LCORL: variants seen among roughly 807,000 people sequenced by gnomAD.
LCORL encodes ligand dependent nuclear receptor corepressor like, also known as ligand-dependent nuclear receptor corepressor-like protein.
LCORL carries 41 observed loss-of-function variants against 141.8 expected under a neutral mutation model. The ratio of observed to expected loss-of-function variants is 0.29; its 90% CI spans 0.23 to 0.38. The LOEUF (loss-of-function observed/expected upper bound fraction) is 0.38. LCORL is among the 10% of genes least tolerant of loss of function. The pLI is 1.00. For synonymous variants in LCORL, 618 were observed against 694.1 expected (o/e 0.89, Z 1.72); for missense variants, 1,759 against 2,035.0 (o/e 0.86, Z 2.61).
chr4:18,021,704 G>GGCAGCAGCGGCGGCGGCA lies in LCORL; in HGVS notation c.30_47dup (p.Ala17_Ala22dup). 2 of 1,525,134 alleles carry GGCAGCAGCGGCGGCGGCA rather than the reference G, an allele frequency of 1.3e-6. No homozygotes were observed. The highest frequency in any genetic ancestry group is 1.8e-6 in the Non-Finnish European group (2 of 1,136,998). The allele number at this position is 1,525,134 out of a possible 1,614,324, so 94.5% of individuals were successfully genotyped here. ...GGCACTGAGCGGCGGCGGCGGCGGC[G>GGCAGCAGCGGCGGCGGCA]GCAGCAGCGGCGGCGGCAGCGGCCA... On this transcript the variant is annotated inframe_insertion, in exon 1 of 8. Coordinates refer to ENST00000635767, the Ensembl canonical transcript of LCORL. This position sits in a 1 kb window ranked among gnomAD's most constrained non-coding sequence, Gnocchi z 5.5.
intron 1 of LCORL, among the ~76,000 whole-genome samples, chr4:17,998,334 A>G (rs1020338180): frequency 1.3e-5 from 2 of 151,974 alleles, no homozygotes; most frequent in African/African-American, 4.8e-5. Context: ...ACTTACTATA[A>G]TTTTTTTACA....
rs374543001 is a variant in LCORL at position 18,002,878 on chromosome 4, T to C, written c.154+18720A>G. Among the ~76,000 whole-genome samples the C allele has an allele frequency of 1.6e-3, 251 of 152,320 alleles. 1 individual carries two copies. The highest frequency in any genetic ancestry group is 2.4e-3 in the Non-Finnish European group (166 of 68,022). On this transcript the variant is annotated intron_variant, in intron 1 of 7. Coordinates refer to ENST00000635767, the Ensembl canonical transcript of LCORL. ...GTAATCAGAGTTTGCATGGGGTTGG[T>C]ATAAAACAGAACTGCACCAGTGAAT...
chr4:17,924,192 T>A (rs1734754838), intron 4 of LCORL, among the ~76,000 whole-genome samples: 1 of 152,166 alleles, frequency 6.6e-6, no homozygotes, highest in South Asian at 2.1e-4. Flanking sequence ...AATATTTATA[T>A]CTCATCTGAG....
Position 17,843,551 on chromosome 4 carries a change from C to G in LCORL, c.*2337G>C. On this transcript the variant is annotated 3_prime_UTR_variant, in exon 8 of 8. Transcript: ENST00000635767. The stretch of plus-strand genomic sequence containing the variant: ...TCTGAAGATTTTCTGCTGTGCGCTT[C>G]CACGTTACTTTGGCCTGTATTAAAG... 4.7e-6 allele frequency: 5 copies of G among 1,070,418 alleles called. No individual in the cohort carries two copies. The South Asian group carries it at 7.8e-5, about 17-fold the overall frequency. 66.3% of individuals were successfully genotyped at this position (1,070,418 alleles called of 1,614,324 possible).
chr4:17,960,213 T>C (rs924779221), intron 4 of LCORL: 2 of 154,286 alleles, frequency 1.3e-5, no homozygotes, highest in Non-Finnish European at 2.9e-5. Context: ...TTTCAAAAGA[T>C]GTTGAAGAAA....
In LCORL at chr4:17,884,721, CCA is replaced by C; in HGVS notation, c.776+1345_776+1346del. 1 of 1,492,510 alleles carries C rather than the reference CCA, an allele frequency of 6.7e-7. No individual in the cohort carries two copies. Among genetic ancestry groups the C allele is most frequent in the Non-Finnish European group, 8.9e-7 (1 of 1,123,336 alleles). 92.5% of individuals were successfully genotyped at this position (1,492,510 alleles called of 1,614,324 possible). A position where few individuals can be genotyped will look rare whatever the true frequency, so the allele number is the denominator to read the frequency against. ...CCATCTGCAAACTCAGCACTTCTTT[CCA>C]CATAGTCCTCTCTGTTTCTGTGTAG... On this transcript the variant is annotated intron_variant, in intron 6 of 7. Coordinates refer to ENST00000635767, the Ensembl canonical transcript of LCORL. The surrounding 1 kb of genome is among the most constrained non-coding windows in gnomAD (Gnocchi z 4.4).
chr4:17,925,540 G>T (rs956755669), intron 4 of LCORL, among the ~76,000 whole-genome samples: 6 of 152,082 alleles, frequency 3.9e-5, no homozygotes, highest in Non-Finnish European at 2.9e-5. Flanking sequence ...TTGCAGAAAT[G>T]AGGACTTTGT....
chr4:17,880,967 C>T, intron 6 of LCORL: 1 of 983,014 alleles, frequency 1.0e-6, no homozygotes, highest in East Asian at 1.1e-4. Context: ...TACTAAATTA[C>T]TGCGACATTG....
Position 18,009,638 on chromosome 4 carries a change from C to G in LCORL, c.154+11960G>C, listed in dbSNP as rs187238739. Among the ~76,000 whole-genome samples the G allele has an allele frequency of 3.2e-4, 48 of 152,216 alleles. 1 individual carries two copies. The East Asian group carries it at 8.5e-3, about 27-fold the overall frequency. ...TCCTACATGGGTCACTCCCTACCCC[C>G]TGGTATCTACTGGGGCCCTGAGAGC... On this transcript the variant is annotated intron_variant, in intron 1 of 7. Transcript: ENST00000635767.
At chr4:18,012,823 C>T (rs1441746160) in intron 1 of LCORL, among the ~76,000 whole-genome samples, 1 of 152,170 alleles carries the variant, frequency 6.6e-6, no homozygotes, top group East Asian at 1.9e-4. Flanking sequence ...ATGGTTATCA[C>T]TGATACAGAA....
chr4:17,863,761 T>A (rs1376510323), intron 7 of LCORL, among the ~76,000 whole-genome samples: 1 of 152,030 alleles, frequency 6.6e-6, no homozygotes, highest in Non-Finnish European at 1.5e-5. Context: ...CCATCAATGG[T>A]AGAATAGGTA....
chr4:17,905,685 A>G (rs1731497347), intron 5 of LCORL, among the ~76,000 whole-genome samples: 1 of 152,120 alleles, frequency 6.6e-6, no homozygotes, highest in Admixed American at 6.5e-5. Flanking sequence ...CCATAAATGT[A>G]TCTACATCAT....
At chr4:17,919,445 A>G (rs1560342311) in intron 4 of LCORL, among the ~76,000 whole-genome samples, 1 of 152,202 alleles carries the variant, frequency 6.6e-6, no homozygotes, top group Non-Finnish European at 1.5e-5. Flanking sequence ...ATCAAATAAA[A>G]AAAACCTATC....
exon 7 of LCORL, chr4:17,873,453 G>A (rs1726586702): frequency 8.2e-7 from 1 of 1,223,592 alleles, no homozygotes; most frequent in African/African-American, 1.6e-5. Flanking sequence ...ATGTCTTTTT[G>A]TTGACATTTC....
At chr4:17,984,243 T>C (rs1297356232) in intron 1 of LCORL, among the ~76,000 whole-genome samples, 1 of 152,150 alleles carries the variant, frequency 6.6e-6, no homozygotes, top group Non-Finnish European at 1.5e-5. Flanking sequence ...TATTGTTGTG[T>C]CTCTGCCAAG....
At chr4:17,977,272 T>C (rs1014332113) in intron 1 of LCORL, among the ~76,000 whole-genome samples, 1 of 152,148 alleles carries the variant, frequency 6.6e-6, no homozygotes, top group Middle Eastern at 3.2e-3. Flanking sequence ...AGTGTAAATG[T>C]AGGGTTACAA....
At chr4:17,995,494 CG>C (rs1720774464) in intron 1 of LCORL, among the ~76,000 whole-genome samples, 1 of 152,002 alleles carries the variant, frequency 6.6e-6, no homozygotes, top group South Asian at 2.1e-4. Flanking sequence ...TTAAAGAAAC[CG>C]GATCAATGTA....
At chr4:17,866,393 C>T (rs760863218) in intron 7 of LCORL, among the ~76,000 whole-genome samples, 2 of 152,188 alleles carry the variant, frequency 1.3e-5, no homozygotes, top group Non-Finnish European at 2.9e-5. Flanking sequence ...TAAACTTGAA[C>T]CGTGAGGGTA....
chr4:17,993,438 C>G (rs767827331), intron 1 of LCORL, among the ~76,000 whole-genome samples: 25 of 151,982 alleles, frequency 1.6e-4, no homozygotes, highest in Non-Finnish European at 3.5e-4. Context: ...CTCCTGACCT[C>G]AAGTGATCCT....
Sources: allele counts gnomAD v4.1 joint callset (sites outside exome capture counted in the v4.1 genomes callset), GRCh38; gene constraint gnomAD v4.1.1; non-coding constraint Gnocchi (gnomAD v3.1); transcripts MANE v1.5; gene names NCBI Gene and HGNC (gene_info 2026-07-23, HGNC 2026-07-21).